The following NLRP3 variants were observed in gnomAD, a reference collection of about 807,000 sequenced individuals.
The protein encoded by NLRP3 is NACHT, LRR and PYD domains-containing protein 3.
NLRP3 carries 48 observed loss-of-function variants against 91.3 expected under a neutral mutation model. The ratio of observed to expected loss-of-function variants is 0.53; its 90% CI spans 0.42 to 0.67. The LOEUF (loss-of-function observed/expected upper bound fraction) is 0.67, where lower values mean the gene tolerates loss of function less well. Among genes scored for constraint, NLRP3 ranks in the 30% least tolerant of loss-of-function variants. NLRP3 has a pLI of 0.00. For synonymous variants in NLRP3, 561 were observed against 507.9 expected (o/e 1.10, Z -1.41); for missense variants, 982 against 1,276.9 (o/e 0.77, Z 3.52).
At position 247,425,019 on chromosome 1, in the gene NLRP3, C is replaced by T; in HGVS notation, c.1570C>T (p.Gln524Ter). ...CTACAGCTTCATCCACATGACTTTC[C>T]AGGAGTTCTTTGCCGCCATGTACTA... ...KFYSFIHMTFQEFFAAMYYLL... is the reference protein window; with the variant it reads ...KFYSFIHMTF Residue 524 changes from glutamine to a stop codon, truncating the protein, a stop_gained, in exon 4 of 10, where the codon CAG becomes TAG. Transcript: ENST00000336119. LOFTEE classifies it high-confidence loss of function. This position sits in a 1 kb window ranked among gnomAD's most constrained non-coding sequence, Gnocchi z 4.1. The T allele has an allele frequency of 6.2e-7, 1 of 1,614,184 alleles. No individual in the cohort carries two copies. Among genetic ancestry groups the T allele is most frequent in the Non-Finnish European group, 8.5e-7 (1 of 1,180,036 alleles).
chr1:247,433,274 C>T (rs192473520), intron 5 of NLRP3, among the ~76,000 whole-genome samples: 5 of 152,072 alleles, frequency 3.3e-5, no homozygotes, highest in African/African-American at 1.2e-4. Flanking sequence ...AGATGGAGGG[C>T]TGGGATGAAA....
At chr1:247,429,838 G>A (rs1663179293) in intron 5 of NLRP3, 83 bp downstream of exon 5, 1 of 1,536,766 alleles carries the variant, frequency 6.5e-7, no homozygotes, top group African/African-American at 1.4e-5. Flanking sequence ...AAGATCTTCA[G>A]GACCAGGTTG....
chr1:247,425,589 T>C lies in NLRP3; in HGVS notation c.2140T>C (p.Cys714Arg), dbSNP rs147296592. Residue 714 changes from cysteine to arginine, a missense_variant, in exon 4 of 10, where the codon TGT (cysteine) becomes CGT (arginine). By Grantham distance (180) the Cys-to-Arg change is radical. Coordinates refer to ENST00000336119, the MANE Select transcript of NLRP3 (RefSeq NM_001243133.2). The surrounding 1 kb of genome is among the most constrained non-coding windows in gnomAD (Gnocchi z 4.1). ...CVLPSSSHAA[C>R]SHGLVNSHLT... ...CCTCCCAAGCTCCTCTCATGCTGCC[T>C]GTTCTCATGGGTAAGGAAACTCGGC... is the stretch of plus-strand genomic sequence containing the variant. 3.7e-6 allele frequency: 6 copies of C among 1,605,970 alleles called. No individual in the cohort carries two copies. Among genetic ancestry groups the C allele is most frequent in the Non-Finnish European group, 5.1e-6 (6 of 1,179,994 alleles).
intron 2 of NLRP3, among the ~76,000 whole-genome samples, chr1:247,419,506 G>T (rs747845724): frequency 2.0e-5 from 3 of 152,106 alleles, no homozygotes; most frequent in Non-Finnish European, 4.4e-5. Flanking sequence ...CTCACATTGT[G>T]CAACCAGTCT....
intron 4 of NLRP3, among the ~76,000 whole-genome samples, chr1:247,428,796 GGTTTCATCTGA>G (rs957182022): frequency 1.3e-5 from 2 of 151,968 alleles, no homozygotes; most frequent in African/African-American, 4.8e-5. Flanking sequence ...TTCCAGCTTG[GGTTTCATCTGA>G]AAAAAAATTT....
intron 3 of NLRP3, 53 bp from the exon 4 acceptor site, chr1:247,423,794 A>ATC (rs1662646127): frequency 6.7e-7 from 1 of 1,500,034 alleles, no homozygotes; most frequent in African/African-American, 1.4e-5. Context: ...CTGAGAGCGC[A>ATC]TCTCAGGTGG....
Position 247,418,526 on chromosome 1 carries a change from T to C in NLRP3, c.-275T>C. The C allele has an allele frequency of 2.3e-6, 1 of 440,854 alleles. No individual in the cohort carries two copies. Among genetic ancestry groups the C allele is most frequent in the South Asian group, 2.1e-5 (1 of 47,340 alleles). 27.3% of individuals were successfully genotyped at this position (440,854 alleles called of 1,614,324 possible). On this transcript the variant is annotated 5_prime_UTR_variant, in exon 2 of 10. Coordinates refer to ENST00000336119, the MANE Select transcript of NLRP3 (RefSeq NM_001243133.2). Reference sequence around the variant, plus strand: ...CATGTTGGCCAGGCTGGTCTTGAATTCCTCAGCTCAGGTGATCTGCCTGCC... The same window carrying C: ...CATGTTGGCCAGGCTGGTCTTGAATCCCTCAGCTCAGGTGATCTGCCTGCC...
chr1:247,419,081 A>G lies in NLRP3; in HGVS notation c.277+4A>G. On this transcript the variant is annotated splice_donor_region_variant and intron_variant, in intron 2 of 9. Transcript: ENST00000336119. Reference sequence around the variant, plus strand: ...AAAAGAGATGAGCCGAAGTGGGGTGAGTGGAAGGAAGACTTTTAAAAAAAA... The same window carrying G: ...AAAAGAGATGAGCCGAAGTGGGGTGGGTGGAAGGAAGACTTTTAAAAAAAA... 1 of 1,607,398 alleles carries G rather than the reference A, an allele frequency of 6.2e-7. No homozygotes were observed. Among genetic ancestry groups the G allele is most frequent in the Non-Finnish European group, 8.5e-7 (1 of 1,179,758 alleles).
chr1:247,418,651 CA>C lies in NLRP3; in HGVS notation c.-149del. 1 of 988,438 alleles carries C rather than the reference CA, an allele frequency of 1.0e-6. No homozygotes were observed. Among genetic ancestry groups the C allele is most frequent in the Non-Finnish European group, 1.5e-6 (1 of 652,724 alleles). The allele number at this position is 988,438 out of a possible 1,614,324, so 61.2% of individuals were successfully genotyped here. A position where few individuals can be genotyped will look rare whatever the true frequency, so the allele number is the denominator to read the frequency against. On this transcript the variant is annotated 5_prime_UTR_variant, in exon 2 of 10. Transcript: ENST00000336119. ...ATTTTGACTTGTTACAGTCATGTGA[CA>C]TTTTTTTCTTTCTGTTTGCTGAGTT...
Position 247,444,764 on chromosome 1 carries a change from G to A in NLRP3, c.2948G>A (p.Gly983Glu). Reference sequence around the variant, plus strand: ...GGCAACAATGACCTGGGCGACCTGGGGGTCATGATGTTCTGTGAAGTGCTG... The same window carrying A: ...GGCAACAATGACCTGGGCGACCTGGAGGTCATGATGTTCTGTGAAGTGCTG... ...SLGNNDLGDL[G>E]VMMFCEVLKQ... Residue 983 changes from glycine to glutamate, a missense_variant, in exon 9 of 10, where the codon GGG (glycine) becomes GAG (glutamate). Around this residue, in one of 5 missense-constraint regions of NLRP3, gnomAD observed 373 missense variants for 431.5 expected, o/e 0.86. Transcript: ENST00000336119. The A allele has an allele frequency of 6.2e-7, 1 of 1,614,150 alleles. No individual in the cohort carries two copies. Among genetic ancestry groups the A allele is most frequent in the African/African-American group, 1.3e-5 (1 of 75,034 alleles).
At chr1:247,420,282 TAGG>T (rs1197792444) in intron 2 of NLRP3, among the ~76,000 whole-genome samples, 2 of 152,236 alleles carry the variant, frequency 1.3e-5, no homozygotes, top group Admixed American at 6.5e-5. Context: ...TGTTGCCTTG[TAGG>T]AGTTCTTTAT....
intron 6 of NLRP3, 135 bp from the exon 7 acceptor site, chr1:247,435,835 G>A (rs541636030): frequency 1.2e-6 from 1 of 802,630 alleles, no homozygotes; most frequent in South Asian, 1.4e-5. Flanking sequence ...GAAATCAGAA[G>A]TGTACATAGA....
At chr1:247,419,160 A>ATTTTTT (rs1365819137) in intron 2 of NLRP3, 83 bp downstream of exon 2, 39 of 355,196 alleles carry the variant, frequency 1.1e-4, no homozygotes, top group African/African-American at 9.3e-4. Flanking sequence ...ATATATATAT[A>ATTTTTT]TATATTTTTT....
rs183128734 is a variant in NLRP3, at chr1:247,429,648, C to G, written c.2214C>G (p.Ser738Arg). Residue 738 changes from serine (S) to arginine (R), a missense_variant, in exon 5 of 10, where the codon AGC becomes AGG. Ser to Arg is a moderately radical substitution (Grantham distance 110). Coordinates refer to ENST00000336119, the MANE Select transcript of NLRP3 (RefSeq NM_001243133.2). The stretch of plus-strand genomic sequence containing the variant: ...GCCTCTTTTCAGTTCTGAGCACCAG[C>G]CAGAGTCTAACTGAATTGGACCTCA... ...CRGLFSVLSTSQSLTELDLSD... is the reference protein window; with the variant it reads ...CRGLFSVLSTRQSLTELDLSD... The G allele has an allele frequency of 6.2e-7, 1 of 1,614,052 alleles. No individual in the cohort carries two copies. The highest frequency in any genetic ancestry group is 8.5e-7 in the Non-Finnish European group (1 of 1,180,028).
intron 7 of NLRP3, among the ~76,000 whole-genome samples, chr1:247,438,075 T>A (rs1167581400): frequency 6.6e-6 from 1 of 152,206 alleles, no homozygotes; most frequent in Non-Finnish European, 1.5e-5. Flanking sequence ...TGTAATAAAG[T>A]ATCACAAACA....
Position 247,425,686 on chromosome 1 carries a change from A to G in NLRP3, c.2150+87A>G, listed in dbSNP as rs571863196. The stretch of plus-strand genomic sequence containing the variant: ...TGCCTCCTCTCATCTCTTTTCAACT[A>G]TCTTCCAAATACTGTTGCCACAGCT... On this transcript the variant is annotated intron_variant, in intron 4 of 9. Coordinates refer to ENST00000336119, the MANE Select transcript of NLRP3 (RefSeq NM_001243133.2). This position sits in a 1 kb window ranked among gnomAD's most constrained non-coding sequence, Gnocchi z 4.1. 459 of 1,227,710 alleles carry G rather than the reference A, an allele frequency of 3.7e-4. No individual in the cohort carries two copies. The highest frequency in any genetic ancestry group is 5.0e-4 in the Non-Finnish European group (422 of 850,322). The allele number at this position is 1,227,710 out of a possible 1,614,324, so 76.1% of individuals were successfully genotyped here.
In NLRP3 at chr1:247,418,815, C is replaced by T. The variant is rs376337931; in HGVS notation, c.15C>T (p.Arg5=). Residue 5 remains arginine (R), a synonymous_variant, in exon 2 of 10, where the codon CGC becomes CGT. Transcript: ENST00000336119. ...TGCAGATGAAGATGGCAAGCACCCG[C>T]TGCAAGCTGGCCAGGTACCTGGAGG... is the stretch of plus-strand genomic sequence containing the variant. MAST[R]CKLARYLEDL... 6.2e-7 allele frequency: 1 copy of T among 1,613,992 alleles called. No homozygotes were observed. The highest frequency in any genetic ancestry group is 8.5e-7 in the Non-Finnish European group (1 of 1,180,032).
chr1:247,431,842 G>A (rs1467362677), intron 5 of NLRP3, among the ~76,000 whole-genome samples: 2 of 152,284 alleles, frequency 1.3e-5, no homozygotes, highest in African/African-American at 4.8e-5. Flanking sequence ...GGGCGCAAGA[G>A]CAGCTTTGTT....
chr1:247,430,172 G>A (rs1033694780), intron 5 of NLRP3, among the ~76,000 whole-genome samples: 15 of 152,156 alleles, frequency 9.9e-5, no homozygotes, highest in African/African-American at 1.9e-4. Context: ...CACCGCACCC[G>A]GCCGGTGGTG....
Sources: allele counts gnomAD v4.1 joint callset (sites outside exome capture counted in the v4.1 genomes callset), GRCh38; gene constraint gnomAD v4.1.1; regional missense constraint gnomAD v4.1.1; non-coding constraint Gnocchi (gnomAD v3.1); transcripts MANE v1.5; gene names NCBI Gene and HGNC (gene_info 2026-07-23, HGNC 2026-07-21).